The following CDKAL1 variants were observed in gnomAD, a reference collection of about 807,000 sequenced individuals.
CDKAL1 encodes the protein threonylcarbamoyladenosine tRNA methylthiotransferase.
CDKAL1 carries 32 observed loss-of-function variants against 68.2 expected under a neutral mutation model. That is an observed-to-expected ratio of 0.47 (90% confidence interval 0.35 to 0.63). The LOEUF is 0.63. Among genes scored for constraint, CDKAL1 ranks in the 30% least tolerant of loss-of-function variants. The pLI is 0.00. For missense variants in CDKAL1, 606 were observed against 696.7 expected, an observed-to-expected ratio of 0.87 and a Z score of 1.47; for synonymous variants, 234 against 244.3, an observed-to-expected ratio of 0.96 and a Z score of 0.39.
chr6:20,795,914 A>G (rs1293826256), intron 8 of CDKAL1, among the ~76,000 whole-genome samples: 1 of 152,198 alleles, frequency 6.6e-6, no homozygotes, highest in Non-Finnish European at 1.5e-5. Context: ...TAGATGCAAC[A>G]TGTTTAAAGC....
At chr6:21,026,037 C>CT (rs997592456) in intron 11 of CDKAL1, among the ~76,000 whole-genome samples, 10 of 151,596 alleles carry the variant, frequency 6.6e-5, no homozygotes, top group African/African-American at 2.4e-4. Context: ...TATTGACATT[C>CT]TTTTTTTTGC....
At chr6:20,799,036 C>A (rs1446595539) in intron 8 of CDKAL1, among the ~76,000 whole-genome samples, 1 of 68,264 alleles carries the variant, frequency 1.5e-5, no homozygotes, top group Non-Finnish European at 3.1e-5. Context: ...TTGAAAAGAA[C>A]TGAGTTTTTT....
chr6:20,894,618 G>A (rs1034189332), intron 9 of CDKAL1, among the ~76,000 whole-genome samples: 3 of 152,140 alleles, frequency 2.0e-5, no homozygotes, highest in African/African-American at 7.2e-5. Flanking sequence ...ACTTCATGTT[G>A]AGTGTTACAG....
intron 4 of CDKAL1, among the ~76,000 whole-genome samples, chr6:20,647,248 C>T (rs1321869856): frequency 6.6e-6 from 1 of 152,150 alleles, no homozygotes; most frequent in East Asian, 1.9e-4. Flanking sequence ...GATATAGTTA[C>T]GAGTAAGGTG....
intron 13 of CDKAL1, among the ~76,000 whole-genome samples, chr6:21,124,512 A>G (rs1009400963): frequency 6.6e-5 from 10 of 151,914 alleles, no homozygotes; most frequent in Middle Eastern, 3.4e-3. Context: ...TGAATATTAC[A>G]TCTCTCCAGC....
chr6:20,979,289 A>T (rs1463612732), intron 10 of CDKAL1, among the ~76,000 whole-genome samples: 1 of 152,230 alleles, frequency 6.6e-6, no homozygotes, highest in Non-Finnish European at 1.5e-5. Flanking sequence ...GTTATCAAAC[A>T]TTATGCTAAA....
rs73387926 is a variant in CDKAL1 at position 21,167,439 on chromosome 6, C to A, written c.1300-30582C>A. 7.2e-3 allele frequency among the ~76,000 whole-genome samples: 1,094 copies of A among 152,210 alleles called. 7 individuals are homozygous for A. Among genetic ancestry groups the A allele is most frequent in the African/African-American group, 0.024 (1,010 of 41,538 alleles). On this transcript the variant is annotated intron_variant, in intron 13 of 15. Coordinates refer to ENST00000274695, the MANE Select transcript of CDKAL1 (RefSeq NM_017774.3). ...TTAATTAGCCTGGAACCAAAGATGG[C>A]AATTAGTTTATAATAGATATGAAAA...
chr6:20,750,617 G>T (rs1773873893), intron 6 of CDKAL1, among the ~76,000 whole-genome samples: 1 of 151,984 alleles, frequency 6.6e-6, no homozygotes. Flanking sequence ...AGGAATCATT[G>T]GCAAAAATCT....
chr6:20,702,220 A>T (rs927601569), intron 5 of CDKAL1, among the ~76,000 whole-genome samples: 1 of 152,174 alleles, frequency 6.6e-6, no homozygotes, highest in African/African-American at 2.4e-5. Flanking sequence ...CTAGGGGAGC[A>T]TACAGACGGG....
intron 5 of CDKAL1, among the ~76,000 whole-genome samples, chr6:20,708,676 T>G (rs985149596): frequency 6.6e-6 from 1 of 152,244 alleles, no homozygotes; most frequent in African/African-American, 2.4e-5. Flanking sequence ...ATGACAGAAT[T>G]GAAACAGATG....
rs1773762406 is a variant in CDKAL1 at position 20,748,554 on chromosome 6, G to GAAAAAAAAAAAAAAAAAAAA, written c.468+8939_468+8940insAAAAAAAAAAAAAAAAAAAA. 3.9e-5 allele frequency among the ~76,000 whole-genome samples: 3 copies of GAAAAAAAAAAAAAAAAAAAA among 77,106 alleles called. 1 individual carries two copies. The highest frequency in any genetic ancestry group is 1.4e-4 in the African/African-American group (3 of 20,998). 50.6% of individuals were successfully genotyped at this position (77,106 alleles called of 152,430 possible). ...GGAAAGAGAGCAAGACTCTGTTTCT[G>GAAAAAAAAAAAAAAAAAAAA]GAAAAAAAAAAAAAAAAAAAAAAAA... On this transcript the variant is annotated intron_variant, in intron 6 of 15. Transcript: ENST00000274695.
intron 12 of CDKAL1, among the ~76,000 whole-genome samples, chr6:21,082,751 T>C (rs989968943): frequency 6.6e-6 from 1 of 152,164 alleles, no homozygotes; most frequent in Non-Finnish European, 1.5e-5. Context: ...TCTAAGATGA[T>C]TGAGACCAGA....
intron 5 of CDKAL1, among the ~76,000 whole-genome samples, chr6:20,678,090 TG>T (rs1183931707): frequency 9.0e-5 from 11 of 121,718 alleles, no homozygotes; most frequent in East Asian, 2.5e-4. Flanking sequence ...AGATCTGTGT[TG>T]TTTTTTTTTT....
chr6:20,992,031 C>CTTTTTTTTTTTTTTT (rs71530401), intron 10 of CDKAL1, among the ~76,000 whole-genome samples: 389 of 100,322 alleles, frequency 3.9e-3, no homozygotes, highest in African/African-American at 7.0e-3. Context: ...TTTTTCTTTT[C>CTTTTTTTTTTTTTTT]TTTTTTTTTT....
chr6:20,650,038 T>C (rs7743970), intron 5 of CDKAL1, among the ~76,000 whole-genome samples: 2,551 of 152,322 alleles, frequency 0.017, 56 homozygotes, highest in African/African-American at 0.058. Flanking sequence ...TGTGCATGTA[T>C]CTTTTTAATA....
intron 5 of CDKAL1, chr6:20,722,435 A>T (rs577629291): frequency 1.1e-4 from 30 of 281,536 alleles, no homozygotes; most frequent in Middle Eastern, 1.6e-3. Context: ...GGCTCAAAGC[A>T]CTGAAGCCTC....
chr6:21,170,796 A>G (rs1212969619), intron 13 of CDKAL1, among the ~76,000 whole-genome samples: 1 of 152,200 alleles, frequency 6.6e-6, no homozygotes, highest in East Asian at 1.9e-4. Flanking sequence ...GAAGACAGTA[A>G]GTACCCTAAC....
intron 9 of CDKAL1, among the ~76,000 whole-genome samples, chr6:20,900,749 T>A (rs1418129909): frequency 6.6e-6 from 1 of 152,254 alleles, no homozygotes; most frequent in East Asian, 1.9e-4. Flanking sequence ...GCAAACTTTC[T>A]TTTTCAACAT....
At chr6:20,846,749 C>T (rs548439075) in intron 9 of CDKAL1, among the ~76,000 whole-genome samples, 7 of 152,196 alleles carry the variant, frequency 4.6e-5, no homozygotes, top group South Asian at 4.2e-4. Context: ...CATCACTTGC[C>T]GGGAAATGTG....
Sources: allele counts gnomAD v4.1 joint callset (sites outside exome capture counted in the v4.1 genomes callset), GRCh38; gene constraint gnomAD v4.1.1; transcripts MANE v1.5; gene names NCBI Gene and HGNC (gene_info 2026-07-23, HGNC 2026-07-21).